TOX: variants seen among roughly 807,000 people sequenced by gnomAD.
The protein encoded by TOX is thymocyte selection-associated high mobility group box protein TOX.
In TOX, 11 loss-of-function variants were observed where a neutral mutation model predicts 53.7. That is an observed-to-expected ratio of 0.20 (90% CI 0.13 to 0.34). The LOEUF (loss-of-function observed/expected upper bound fraction) is 0.34. Among genes scored for constraint, TOX ranks in the 10% least tolerant of loss-of-function variants. The pLI is 1.00. For synonymous variants in TOX, 225 were observed against 245.3 expected, an observed-to-expected ratio of 0.92 and a Z score of 0.77; for missense variants, 570 against 664.6, an observed-to-expected ratio of 0.86 and a Z score of 1.56.
intron 3 of TOX, among the ~76,000 whole-genome samples, chr8:58,878,483 A>G (rs560108500): frequency 8.9e-4 from 135 of 152,254 alleles, no homozygotes; most frequent in African/African-American, 3.1e-3. Flanking sequence ...TAATTCCTCA[A>G]TCTTTAGGTG....
At chr8:58,974,766 G>A (rs1813060919) in intron 1 of TOX, among the ~76,000 whole-genome samples, 1 of 152,066 alleles carries the variant, frequency 6.6e-6, no homozygotes, top group African/African-American at 2.4e-5. Flanking sequence ...TTACCGATTT[G>A]TTAGTTAGGA....
intron 4 of TOX, 144 bp from the exon 5 acceptor site, chr8:58,838,455 A>ATT: frequency 1.5e-6 from 1 of 650,490 alleles, no homozygotes; most frequent in Non-Finnish European, 2.6e-6. Context: ...TTGTTTTGTT[A>ATT]TTTTTTTTTC....
intron 1 of TOX, among the ~76,000 whole-genome samples, chr8:59,013,325 CAT>C (rs1342629651): frequency 1.3e-5 from 2 of 152,010 alleles, no homozygotes; most frequent in South Asian, 2.1e-4. Context: ...GCTATAAAAA[CAT>C]AAAGTATGAG....
chr8:58,894,193 C>A (rs185043152), intron 3 of TOX, among the ~76,000 whole-genome samples: 1 of 152,138 alleles, frequency 6.6e-6, no homozygotes, highest in Non-Finnish European at 1.5e-5. Context: ...CCATGCCATG[C>A]GACAATGGGT....
intron 3 of TOX, among the ~76,000 whole-genome samples, chr8:58,938,893 TA>T (rs1466172745): frequency 6.6e-6 from 1 of 152,098 alleles, no homozygotes; most frequent in Non-Finnish European, 1.5e-5. Context: ...GAGCCGAAAA[TA>T]GGAAGGAAAA....
chr8:59,088,954 A>G (rs950115320), intron 1 of TOX, among the ~76,000 whole-genome samples: 33 of 152,332 alleles, frequency 2.2e-4, no homozygotes, highest in Non-Finnish European at 1.0e-4. Context: ...TGATTAGTGA[A>G]ATGTAATACT....
intron 5 of TOX, among the ~76,000 whole-genome samples, chr8:58,834,656 G>A (rs1050456553): frequency 6.6e-6 from 1 of 152,186 alleles, no homozygotes; most frequent in Non-Finnish European, 1.5e-5. Context: ...TTGCTCTGCC[G>A]ATGACTCTAG....
intron 1 of TOX, among the ~76,000 whole-genome samples, chr8:59,007,672 A>T (rs1273030676): frequency 6.6e-6 from 1 of 152,088 alleles, no homozygotes; most frequent in Non-Finnish European, 1.5e-5. Flanking sequence ...GGGGGGAAAT[A>T]AAAAAATACA....
At chr8:58,903,048 C>A (rs1488786955) in intron 3 of TOX, among the ~76,000 whole-genome samples, 1 of 152,154 alleles carries the variant, frequency 6.6e-6, no homozygotes, top group African/African-American at 2.4e-5. Flanking sequence ...ATACTCTTTA[C>A]CATTAAAAAA....
At chr8:59,108,037 A>G (rs1804944170) in intron 1 of TOX, among the ~76,000 whole-genome samples, 1 of 152,170 alleles carries the variant, frequency 6.6e-6, no homozygotes, top group South Asian at 2.1e-4. Context: ...CAGCAGTTCA[A>G]ATTCAAAGTA....
chr8:58,975,200 AGAT>A (rs1425157338), intron 1 of TOX, among the ~76,000 whole-genome samples: 4 of 151,612 alleles, frequency 2.6e-5, no homozygotes, highest in South Asian at 4.2e-4. Flanking sequence ...GTGTGTATAT[AGAT>A]AATAAGTGTG....
intron 4 of TOX, among the ~76,000 whole-genome samples, chr8:58,839,186 A>G (rs1028730049): frequency 2.0e-5 from 3 of 152,348 alleles, no homozygotes; most frequent in Middle Eastern, 3.4e-3. Flanking sequence ...ACTTTCTCCA[A>G]TGATGGAAAA....
chr8:58,872,264 C>T (rs1019117743), intron 3 of TOX, among the ~76,000 whole-genome samples: 3 of 151,904 alleles, frequency 2.0e-5, no homozygotes, highest in East Asian at 3.9e-4. Flanking sequence ...AAAATAAATA[C>T]CCATGAGCAC....
chr8:58,840,467 T>C (rs750707398), intron 4 of TOX, among the ~76,000 whole-genome samples: 2 of 152,202 alleles, frequency 1.3e-5, no homozygotes, highest in Non-Finnish European at 2.9e-5. Flanking sequence ...TAGGCATATA[T>C]ATGACCTAGA....
chr8:58,999,708 T>C (rs955664651), intron 1 of TOX, among the ~76,000 whole-genome samples: 1 of 151,984 alleles, frequency 6.6e-6, no homozygotes, highest in Non-Finnish European at 1.5e-5. Context: ...CTGGACGGAG[T>C]GGCACGGCGA....
intron 3 of TOX, among the ~76,000 whole-genome samples, chr8:58,882,719 G>T (rs910043816): frequency 7.9e-5 from 12 of 152,194 alleles, no homozygotes; most frequent in African/African-American, 2.9e-4. Context: ...GGTTTGCTGT[G>T]CAAAGAAGTC....
chr8:59,083,489 C>G (rs548222324), intron 1 of TOX, among the ~76,000 whole-genome samples: 1 of 152,112 alleles, frequency 6.6e-6, no homozygotes, highest in African/African-American at 2.4e-5. Flanking sequence ...ATTTTAAAAT[C>G]AACACCACAA....
In TOX at chr8:59,037,698, G is replaced by GA. The variant is rs926881730; in HGVS notation, c.103-77691_103-77690insT. Among the ~76,000 whole-genome samples, 8 of 151,384 alleles carry GA rather than the reference G, an allele frequency of 5.3e-5. No individual in the cohort carries two copies. The East Asian group carries it at 5.8e-4, about 11-fold the overall frequency. ...GCACCTGTAATCCTAGCTACTTGGG[G>GA]GGCTGAAGCAGGAGAATTGCTTGCA... On this transcript the variant is annotated intron_variant, in intron 1 of 8. Coordinates refer to ENST00000361421, the MANE Select transcript of TOX (RefSeq NM_014729.3).
chr8:58,838,176 C>T lies in TOX; in HGVS notation c.829G>A (p.Ala277Thr), dbSNP rs765467040. 1.2e-6 allele frequency: 2 copies of T among 1,614,194 alleles called. No homozygotes were observed. Among genetic ancestry groups the T allele is most frequent in the Non-Finnish European group, 1.7e-6 (2 of 1,180,018 alleles). Reference sequence around the variant, plus strand: ...TTTGGATTTTGGCCCTTGATGGCGGCCTGAGTATCACGAAAGAATAACGCA... The same window carrying T: ...TTTGGATTTTGGCCCTTGATGGCGGTCTGAGTATCACGAAAGAATAACGCA... ...AYALFFRDTQ[A>T]AIKGQNPNAT... The change falls in exon 5 of 9, where the codon GCC becomes ACC. Residue 277 changes from alanine (A) to threonine (T), a missense_variant. Physicochemically the swap from Ala to Thr is moderately conservative, Grantham distance 58. Around this residue, in one of 3 missense-constraint regions of TOX, gnomAD observed 49 missense variants for 98.9 expected, o/e 0.50. Coordinates refer to ENST00000361421, the MANE Select transcript of TOX (RefSeq NM_014729.3).
Sources: gnomAD v4.1 joint callset for allele counts (sites outside exome capture counted in the v4.1 genomes callset) on GRCh38, gnomAD v4.1.1 for gene constraint, gnomAD v4.1.1 regional missense constraint, MANE v1.5 for transcripts, NCBI Gene and HGNC (gene_info 2026-07-23, HGNC 2026-07-21) for gene names.